PROZ: variants seen among roughly 807,000 people sequenced by gnomAD.
The protein encoded by PROZ is protein Z, vitamin K dependent plasma glycoprotein.
In PROZ, 46 loss-of-function variants were observed where a neutral mutation model predicts 34.9. The ratio of observed to expected loss-of-function variants is 1.32; its 90% CI spans 1.04 to 1.69. PROZ has a LOEUF of 1.69. Among genes scored for constraint, PROZ ranks in the 40% most tolerant of loss-of-function variants. The probability of loss-of-function intolerance (pLI) is 0.00; values close to 1 mark genes in which losing one functional copy is unlikely to be tolerated. For missense variants in PROZ, 530 were observed against 520.4 expected (o/e 1.02, Z -0.18); for synonymous variants, 195 against 208.5 (o/e 0.94, Z 0.56).
chr13:113,159,337 G>A lies in PROZ; in HGVS notation c.70+607G>A, dbSNP rs2036720361. On this transcript the variant is annotated intron_variant, in intron 1 of 7. Transcript: ENST00000375547. This position sits in a 1 kb window ranked among gnomAD's most constrained non-coding sequence, Gnocchi z 4.6. ...GGCCCCATGGTCTCCCACCCTGAGAGGGTGATCCCCCCGCCCTGCCCTGCC... is the reference window on the plus strand; with the variant it reads ...GGCCCCATGGTCTCCCACCCTGAGAAGGTGATCCCCCCGCCCTGCCCTGCC... 1 of 1,433,914 alleles carries A rather than the reference G, an allele frequency of 7.0e-7. No individual in the cohort carries two copies. The highest frequency in any genetic ancestry group is 9.6e-7 in the Non-Finnish European group (1 of 1,041,848). 88.8% of individuals were successfully genotyped at this position (1,433,914 alleles called of 1,614,324 possible). A position where few individuals can be genotyped will look rare whatever the true frequency, so the allele number is the denominator to read the frequency against.
chr13:113,168,453 C>A (rs1265494877), intron 6 of PROZ, among the ~76,000 whole-genome samples: 1 of 152,276 alleles, frequency 6.6e-6, no homozygotes, highest in Non-Finnish European at 1.5e-5. Flanking sequence ...CAGCAGTCCT[C>A]TCCTCTCTGC....
rs764891776 is a variant in PROZ at position 113,158,676 on chromosome 13, C to T, written c.16C>T (p.Pro6Ser). The T allele has an allele frequency of 4.4e-6, 7 of 1,605,314 alleles. No individual in the cohort carries two copies. The highest frequency in any genetic ancestry group is 4.0e-5 in the African/African-American group (3 of 74,728). Residue 6 changes from proline to serine, a missense_variant, in exon 1 of 8, where the codon CCA becomes TCA. Pro to Ser is a moderately conservative substitution (Grantham distance 74). Coordinates refer to ENST00000375547, the MANE Select transcript of PROZ (RefSeq NM_003891.3). This position sits in a 1 kb window ranked among gnomAD's most constrained non-coding sequence, Gnocchi z 4.3. MAGCV[P>S]LLQGLVLVLA... ...CCGGGTGGGAATGGCAGGCTGCGTC[C>T]CACTGCTCCAGGGCCTGGTCCTGGT...
intron 3 of PROZ, among the ~76,000 whole-genome samples, chr13:113,161,281 TGGCTCCTG>T (rs2036755529): frequency 6.6e-6 from 1 of 152,224 alleles, no homozygotes; most frequent in Non-Finnish European, 1.5e-5. Flanking sequence ...TCCAGCCGCC[TGGCTCCTG>T]GGCTCCTGGG....
In PROZ at chr13:113,170,499, A is replaced by G; in HGVS notation, c.660A>G (p.Ser220=). Residue 220 remains serine (S), a synonymous_variant, in exon 7 of 8, where the codon TCA becomes TCG. Transcript: ENST00000375547. ...TTGTACTGACAACAGCAAAATGTTC[A>G]CTGTTACACAGGAATATTACTGTAA... ...ENFVLTTAKC[S]LLHRNITVKT... The G allele has an allele frequency of 1.3e-6, 2 of 1,597,000 alleles. No individual in the cohort carries two copies. The highest frequency in any genetic ancestry group is 2.2e-5 in the East Asian group (1 of 44,796).
chr13:113,171,451 T>C lies in PROZ; in HGVS notation c.692-143T>C, dbSNP rs1314722118. The C allele has an allele frequency of 4.3e-6, 4 of 938,608 alleles. No homozygotes were observed. The highest frequency in any genetic ancestry group is 2.6e-5 in the East Asian group (1 of 38,282). 58.1% of individuals were successfully genotyped at this position (938,608 alleles called of 1,614,324 possible). On this transcript the variant is annotated intron_variant, in intron 7 of 7. Coordinates refer to ENST00000375547, the MANE Select transcript of PROZ (RefSeq NM_003891.3). The surrounding 1 kb of genome is among the most constrained non-coding windows in gnomAD (Gnocchi z 5.1). ...CCTTTCTGTCCGCAGAAAGGCACAGTGTCCACACCACGGGGCGGTGAGCCT... is the reference window on the plus strand; with the variant it reads ...CCTTTCTGTCCGCAGAAAGGCACAGCGTCCACACCACGGGGCGGTGAGCCT...
chr13:113,164,950 A>T, intron 5 of PROZ, 103 bp from the exon 6 acceptor site: 1 of 1,144,314 alleles, frequency 8.7e-7, no homozygotes, highest in Non-Finnish European at 1.3e-6. Flanking sequence ...TATAATGGTT[A>T]GTACCATAGA....
At position 113,160,107 on chromosome 13, in the gene PROZ, A is replaced by C. The variant is rs775188990; in HGVS notation, c.164A>C (p.Glu55Ala). ...LLEELFEGNLEKECYEEICVY... is the reference protein window; with the variant it reads ...LLEELFEGNLAKECYEEICVY... ...GAAGAACTCTTCGAGGGAAACTTGG[A>C]AAAAGAATGTTATGAAGAAATCTGT... The change falls in exon 2 of 8, where the codon GAA becomes GCA. Residue 55 changes from glutamate (E) to alanine (A), a missense_variant. Physicochemically the swap from Glu to Ala is moderately radical, Grantham distance 107. Coordinates refer to ENST00000375547, the MANE Select transcript of PROZ (RefSeq NM_003891.3). 1 of 1,614,136 alleles carries C rather than the reference A, an allele frequency of 6.2e-7. No individual in the cohort carries two copies. Among genetic ancestry groups the C allele is most frequent in the Admixed American group, 1.7e-5 (1 of 60,030 alleles).
chr13:113,159,079 C>T lies in PROZ; in HGVS notation c.70+349C>T, dbSNP rs2036712807. ...GGGGAGGGGGTGGGGCAGGCTGAGC[C>T]CAGACTGCAATGTGGGCAGAGAGAG... On this transcript the variant is annotated intron_variant, in intron 1 of 7. Transcript: ENST00000375547. This position sits in a 1 kb window ranked among gnomAD's most constrained non-coding sequence, Gnocchi z 4.6. 7 of 818,836 alleles carry T rather than the reference C, an allele frequency of 8.5e-6. No individual in the cohort carries two copies. In the Admixed American group the frequency reaches 1.5e-4, roughly 17 times the overall value. 50.7% of individuals were successfully genotyped at this position (818,836 alleles called of 1,614,324 possible). A position where few individuals can be genotyped will look rare whatever the true frequency, so the allele number is the denominator to read the frequency against.
At position 113,165,084 on chromosome 13, in the gene PROZ, G is replaced by A; in HGVS notation, c.537G>A (p.Glu179=). The A allele has an allele frequency of 6.2e-7, 1 of 1,613,006 alleles. No individual in the cohort carries two copies. The highest frequency in any genetic ancestry group is 8.5e-7 in the Non-Finnish European group (1 of 1,180,018). Residue 179 remains glutamate (E), a synonymous_variant, in exon 6 of 8, where the codon GAG becomes GAA. Coordinates refer to ENST00000375547, the MANE Select transcript of PROZ (RefSeq NM_003891.3). ...GTGCCTGCGGGGTGCTGACCTCTGA[G>A]AAGCGTGCACCGGATCTACAGGACC... ...DQCACGVLTS[E]KRAPDLQDLP...
intron 5 of PROZ, 93 bp downstream of exon 5, chr13:113,164,737 G>A (rs2036870475): frequency 1.3e-6 from 2 of 1,559,616 alleles, no homozygotes; most frequent in East Asian, 2.4e-5. Context: ...GAAGCCCGCG[G>A]ATTTGTGATA....
At chr13:113,163,382 C>G (rs1595109787) in intron 4 of PROZ, among the ~76,000 whole-genome samples, 1 of 152,142 alleles carries the variant, frequency 6.6e-6, no homozygotes, top group African/African-American at 2.4e-5. Context: ...CCTCTCCTCC[C>G]CCCACCACCT....
chr13:113,165,032 A>G (rs771213248), intron 5 of PROZ, 21 bp from the exon 6 acceptor site: 1 of 1,612,768 alleles, frequency 6.2e-7, no homozygotes. Flanking sequence ...TTTTATTCTC[A>G]TGTTGCTGCC....
At chr13:113,160,864 T>G in intron 2 of PROZ, 84 bp from the exon 3 acceptor site, 1 of 1,243,794 alleles carries the variant, frequency 8.0e-7, no homozygotes, top group Admixed American at 1.7e-5. Flanking sequence ...AATCAACATT[T>G]TCTTACCTTC....
chr13:113,164,990 C>CA (rs2036880898), intron 5 of PROZ, 63 bp from the exon 6 acceptor site: 17 of 1,481,982 alleles, frequency 1.1e-5, no homozygotes, highest in Non-Finnish European at 1.5e-5. Context: ...ACACCATAGA[C>CA]AGAGTCCGAT....
At position 113,158,982 on chromosome 13, in the gene PROZ, C is replaced by G. The variant is rs1419658248; in HGVS notation, c.70+252C>G. 8.4e-6 allele frequency among the ~76,000 whole-genome samples: 1 copy of G among 119,334 alleles called. No homozygotes were observed. The highest frequency in any genetic ancestry group is 3.2e-5 in the African/African-American group (1 of 31,644). The allele number at this position is 119,334 out of a possible 152,430, so 78.3% of individuals were successfully genotyped here. On this transcript the variant is annotated intron_variant, in intron 1 of 7. Coordinates refer to ENST00000375547, the MANE Select transcript of PROZ (RefSeq NM_003891.3). This position sits in a 1 kb window ranked among gnomAD's most constrained non-coding sequence, Gnocchi z 4.3. ...GAAGCCTGTGTGCAGGGGATTCAGCCGGGAAAGGCCGGGGAGAGGGGAGGG... is the reference window on the plus strand; with the variant it reads ...GAAGCCTGTGTGCAGGGGATTCAGCGGGGAAAGGCCGGGGAGAGGGGAGGG...
intron 6 of PROZ, among the ~76,000 whole-genome samples, chr13:113,166,713 C>T (rs533214410): frequency 6.6e-6 from 1 of 152,352 alleles, no homozygotes; most frequent in African/African-American, 2.4e-5. Context: ...CCCAAGCTTT[C>T]TAAGACAGTT....
intron 6 of PROZ, among the ~76,000 whole-genome samples, chr13:113,165,536 G>C (rs892237740): frequency 2.0e-5 from 3 of 151,982 alleles, no homozygotes; most frequent in African/African-American, 7.3e-5. Flanking sequence ...TTTGTTTTTG[G>C]TTTGTTTTTT....
Position 113,161,121 on chromosome 13 carries a change from G to C in PROZ, c.259+149G>C, listed in dbSNP as rs546983541. 139 of 776,768 alleles carry C rather than the reference G, an allele frequency of 1.8e-4. No homozygotes were observed. The East Asian group carries it at 2.9e-3, about 16-fold the overall frequency. 48.1% of individuals were successfully genotyped at this position (776,768 alleles called of 1,614,324 possible). On this transcript the variant is annotated intron_variant, in intron 3 of 7. Coordinates refer to ENST00000375547, the MANE Select transcript of PROZ (RefSeq NM_003891.3). ...TGTCTCTCCAGGGAAGGGCAGCTCC[G>C]ACTCTCCCCAAGGACCAGGTCAGGA... is the stretch of plus-strand genomic sequence containing the variant.
Position 113,167,603 on chromosome 13 carries a change from T to G in PROZ, c.573+2483T>G, listed in dbSNP as rs894152433. 2.0e-5 allele frequency among the ~76,000 whole-genome samples: 3 copies of G among 152,248 alleles called. No homozygotes were observed. In the South Asian group the frequency reaches 6.2e-4, roughly 31 times the overall value. On this transcript the variant is annotated intron_variant, in intron 6 of 7. Coordinates refer to ENST00000375547, the MANE Select transcript of PROZ (RefSeq NM_003891.3). ...AGACACTTTACTTTCTAATTATTAG[T>G]GTTAGCATGACTTATCTTTTTCCAA...
Sources: gnomAD v4.1 joint callset for allele counts (sites outside exome capture counted in the v4.1 genomes callset) on GRCh38, gnomAD v4.1.1 for gene constraint, Gnocchi (gnomAD v3.1) non-coding constraint, MANE v1.5 for transcripts, NCBI Gene and HGNC (gene_info 2026-07-23, HGNC 2026-07-21) for gene names.